The following C12orf50 variants were observed in gnomAD, a reference collection of about 807,000 sequenced individuals.
The protein encoded by C12orf50 is zinc finger CCCH-type containing 11D, also known as uncharacterized protein C12orf50.
C12orf50 carries 35 observed loss-of-function variants against 61.6 expected under a neutral mutation model. The observed-to-expected ratio is 0.57, with a 90% CI of 0.43 to 0.75. The LOEUF is 0.75. Ranked by LOEUF, C12orf50 falls within the 30% of genes least tolerant of loss-of-function variation. C12orf50 has a pLI of 0.00. For synonymous variants in C12orf50, 178 were observed against 161.5 expected (o/e 1.10, Z -0.77); for missense variants, 475 against 488.5 (o/e 0.97, Z 0.26).
chr12:88,028,234 G>C (rs1044385872), intron 1 of C12orf50, among the ~76,000 whole-genome samples: 1 of 152,062 alleles, frequency 6.6e-6, no homozygotes, highest in East Asian at 1.9e-4. Context: ...TGCCCACCTG[G>C]GACATGAAAT....
intron 3 of C12orf50, among the ~76,000 whole-genome samples, chr12:88,021,124 T>C (rs1184964020): frequency 6.6e-6 from 1 of 151,512 alleles, no homozygotes; most frequent in African/African-American, 2.4e-5. Context: ...CTAGAAGAAC[T>C]AGAGAAGTAA....
chr12:88,000,145 G>T (rs1431789612), intron 3 of C12orf50, among the ~76,000 whole-genome samples: 1 of 151,622 alleles, frequency 6.6e-6, no homozygotes, highest in Non-Finnish European at 1.5e-5. Flanking sequence ...TTTTTAAAGT[G>T]ATCCAATGTT....
intron 3 of C12orf50, among the ~76,000 whole-genome samples, chr12:88,005,650 A>T (rs2031830539): frequency 1.3e-5 from 2 of 152,100 alleles, no homozygotes; most frequent in Admixed American, 6.5e-5. Flanking sequence ...TTATTTATTT[A>T]TTTTTTGGAG....
Position 87,980,291 on chromosome 12 carries a change from G to A in C12orf50, c.*40C>T, listed in dbSNP as rs2030391050. The A allele has an allele frequency of 6.3e-7, 1 of 1,585,772 alleles. No individual in the cohort carries two copies. Among genetic ancestry groups the A allele is most frequent in the Admixed American group, 1.7e-5 (1 of 59,034 alleles). On this transcript the variant is annotated 3_prime_UTR_variant, in exon 13 of 13. Transcript: ENST00000298699. The stretch of plus-strand genomic sequence containing the variant: ...TTTGATTGTAAATCAGATGATGTCT[G>A]GCAATTTTTTCTCATTTTTCTCTCT...
chr12:87,996,507 G>T lies in C12orf50; in HGVS notation c.368-20C>A. 1.3e-6 allele frequency: 2 copies of T among 1,591,542 alleles called. No individual in the cohort carries two copies. Among genetic ancestry groups the T allele is most frequent in the Non-Finnish European group, 1.7e-6 (2 of 1,160,110 alleles). On this transcript the variant is annotated intron_variant, in intron 5 of 12. Transcript: ENST00000298699. ...ATTCCCCTAATCAACCATAAGAAAA[G>T]TAATGGTTAGTATATTTATCACATC...
intron 3 of C12orf50, among the ~76,000 whole-genome samples, chr12:88,002,787 G>C (rs1263878936): frequency 1.3e-5 from 2 of 151,402 alleles, no homozygotes; most frequent in Non-Finnish European, 3.0e-5. Context: ...CTTTTACACT[G>C]ATGAATATTT....
chr12:87,985,931 C>T lies in C12orf50; in HGVS notation c.1045G>A (p.Ala349Thr), dbSNP rs1358927595. 6.2e-7 allele frequency: 1 copy of T among 1,613,742 alleles called. No homozygotes were observed. The highest frequency in any genetic ancestry group is 1.3e-5 in the African/African-American group (1 of 74,894). ...TGCGTGGGCCTGCTGCGGGAAGGTG[C>T]ATTCAACGCGACAGTCCTGACAGCA... ...RDAVRTVALN[A>T]PSRSRPTHGS... Residue 349 changes from alanine to threonine, a missense_variant, in exon 11 of 13, where the codon GCA (alanine) becomes ACA (threonine). Transcript: ENST00000298699.
At chr12:87,993,952 C>A (rs1310957584) in intron 7 of C12orf50, among the ~76,000 whole-genome samples, 3 of 152,086 alleles carry the variant, frequency 2.0e-5, no homozygotes, top group African/African-American at 7.2e-5. Flanking sequence ...GTAATCCCAG[C>A]ACTTTGGGAG....
chr12:87,985,565 T>G (rs1041974110), intron 11 of C12orf50: 1 of 394,120 alleles, frequency 2.5e-6, no homozygotes, highest in African/African-American at 2.0e-5. Context: ...TCCTCCTGAG[T>G]GACATGAAGC....
At chr12:87,983,270 A>G in intron 11 of C12orf50, 75 bp from the exon 12 acceptor site, 1 of 912,072 alleles carries the variant, frequency 1.1e-6, no homozygotes, top group Non-Finnish European at 1.7e-6. Flanking sequence ...AAAGTTATAA[A>G]CATCTCAGGG....
At chr12:87,981,170 T>G (rs1249801319) in intron 12 of C12orf50, among the ~76,000 whole-genome samples, 2 of 152,228 alleles carry the variant, frequency 1.3e-5, no homozygotes, top group African/African-American at 2.4e-5. Context: ...CATCTCACTT[T>G]TACATTTCAG....
chr12:88,026,460 G>A (rs781120350), intron 3 of C12orf50, 28 bp downstream of exon 3: 1 of 1,610,356 alleles, frequency 6.2e-7, no homozygotes, highest in South Asian at 1.1e-5. Flanking sequence ...AATATGGTAA[G>A]TCTATGTTAT....
Position 87,986,300 on chromosome 12 carries a change from T to C in C12orf50, c.922+12A>G, listed in dbSNP as rs2030816865. ...TTACAATTTAGAAATATCAAATATA[T>C]AGACACCTTACCTCTCTGCATTCCA... is the stretch of plus-strand genomic sequence containing the variant. On this transcript the variant is annotated intron_variant, in intron 10 of 12. Coordinates refer to ENST00000298699, the MANE Select transcript of C12orf50 (RefSeq NM_152589.3). The C allele has an allele frequency of 1.3e-6, 2 of 1,528,570 alleles. No individual in the cohort carries two copies. The highest frequency in any genetic ancestry group is 1.2e-5 in the South Asian group (1 of 83,348). 94.7% of individuals were successfully genotyped at this position (1,528,570 alleles called of 1,614,324 possible). A position where few individuals can be genotyped will look rare whatever the true frequency, so the allele number is the denominator to read the frequency against.
chr12:87,994,668 T>C lies in C12orf50; in HGVS notation c.557A>G (p.Lys186Arg). Residue 186 changes from lysine to arginine, a missense_variant, in exon 7 of 13, where the codon AAA (lysine) becomes AGA (arginine). Physicochemically the swap from Lys to Arg is conservative, Grantham distance 26. Transcript: ENST00000298699. ...QGEIKTSLHG[K>R]PKTDIAAFEN... ...AAAAGCAGCAATGTCAGTCTTTGGT[T>C]TCCCATGCAATGATGTTTTTATTTC... 1 of 1,613,286 alleles carries C rather than the reference T, an allele frequency of 6.2e-7. No individual in the cohort carries two copies. The highest frequency in any genetic ancestry group is 8.5e-7 in the Non-Finnish European group (1 of 1,179,460).
intron 3 of C12orf50, among the ~76,000 whole-genome samples, chr12:88,011,988 T>C (rs550807006): frequency 1.4e-4 from 22 of 152,328 alleles, no homozygotes; most frequent in African/African-American, 5.3e-4. Context: ...ACATTTATAG[T>C]TTGAAATTGG....
chr12:87,982,736 T>C (rs1003650955), intron 12 of C12orf50, among the ~76,000 whole-genome samples: 27 of 151,624 alleles, frequency 1.8e-4, no homozygotes, highest in African/African-American at 4.6e-4. Context: ...CTATGGTAGA[T>C]ATAGTAAAGC....
chr12:88,000,040 G>A (rs2031587671), intron 3 of C12orf50, among the ~76,000 whole-genome samples: 1 of 151,970 alleles, frequency 6.6e-6, no homozygotes, highest in Non-Finnish European at 1.5e-5. Context: ...AAAAAATGAG[G>A]AGTAACTGTT....
intron 3 of C12orf50, among the ~76,000 whole-genome samples, chr12:88,005,686 C>G (rs2031832567): frequency 6.6e-6 from 1 of 152,090 alleles, no homozygotes; most frequent in Non-Finnish European, 1.5e-5. Flanking sequence ...GTCGCCCAGG[C>G]TGGAGTGCAG....
intron 3 of C12orf50, among the ~76,000 whole-genome samples, chr12:88,005,634 T>TTTTA (rs1220105469): frequency 6.6e-5 from 10 of 152,142 alleles, no homozygotes; most frequent in East Asian, 3.9e-4. Context: ...ATGTTATTTA[T>TTTTA]TTTATTTATT....
Sources: allele counts gnomAD v4.1 joint callset (sites outside exome capture counted in the v4.1 genomes callset), GRCh38; gene constraint gnomAD v4.1.1; transcripts MANE v1.5; gene names NCBI Gene and HGNC (gene_info 2026-07-23, HGNC 2026-07-21).